Variants in SNRNP200 observed in about 807,000 individuals in gnomAD.
SNRNP200 encodes small nuclear ribonucleoprotein U5 subunit 200, also known as U5 small nuclear ribonucleoprotein 200 kDa helicase.
Under a neutral mutation model 255.2 loss-of-function variants are expected in SNRNP200, and 66 were observed. The observed-to-expected ratio is 0.26, with a 90% confidence interval of 0.21 to 0.32. The LOEUF is 0.32. SNRNP200 is among the 10% of genes least tolerant of loss of function. The pLI is 1.00. For synonymous variants in SNRNP200, 939 were observed against 1,027.8 expected (o/e 0.91, Z 1.65); for missense variants, 1,585 against 2,749.8 (o/e 0.58, Z 9.47).
At position 96,278,799 on chromosome 2, in the gene SNRNP200, G is replaced by A. The variant is rs1165230361; in HGVS notation, c.5323+10C>T. The A allele has an allele frequency of 6.2e-7, 1 of 1,614,170 alleles. No homozygotes were observed. The highest frequency in any genetic ancestry group is 2.2e-5 in the East Asian group (1 of 44,882). On this transcript the variant is annotated intron_variant, in intron 37 of 44. Coordinates refer to ENST00000323853, the MANE Select transcript of SNRNP200 (RefSeq NM_014014.5). This position sits in a 1 kb window ranked among gnomAD's most constrained non-coding sequence, Gnocchi z 6.9. The stretch of plus-strand genomic sequence containing the variant: ...ACCAAAGGATCACGTGTGCTCCCAA[G>A]CCCACTGACCCTGCAGGTTGTAGTA...
At chr2:96,292,622 GGGGATTGC>G in intron 16 of SNRNP200, among the ~76,000 whole-genome samples, 1 of 152,196 alleles carries the variant, frequency 6.6e-6, no homozygotes, top group South Asian at 2.1e-4. Flanking sequence ...ATCTGGGACT[GGGGATTGC>G]TTGCTGGGGG....
intron 3 of SNRNP200, among the ~76,000 whole-genome samples, 167 bp from the exon 4 acceptor site, chr2:96,301,883 T>C (rs2063954854): frequency 6.6e-6 from 1 of 152,176 alleles, no homozygotes; most frequent in African/African-American, 2.4e-5. Context: ...AAAGGAAGAC[T>C]TGTCTGTTTT....
chr2:96,279,565 G>T lies in SNRNP200; in HGVS notation c.5025-6C>A. The T allele has an allele frequency of 1.3e-6, 2 of 1,598,784 alleles. No individual in the cohort carries two copies. Among genetic ancestry groups the T allele is most frequent in the Non-Finnish European group, 8.6e-7 (1 of 1,166,424 alleles). ...AGATGGGGTAATCCACATAGCTGGT[G>T]ACAGAAGCAGGGAAAGAAGGAAAAG... On this transcript the variant is annotated splice_polypyrimidine_tract_variant and splice_region_variant and intron_variant, in intron 35 of 44. Transcript: ENST00000323853.
rs1009766591 is a variant in SNRNP200 at position 96,278,947 on chromosome 2, C to T, written c.5185G>A (p.Asp1729Asn). The T allele has an allele frequency of 6.2e-7, 1 of 1,613,918 alleles. No homozygotes were observed. Among genetic ancestry groups the T allele is most frequent in the African/African-American group, 1.3e-5 (1 of 74,856 alleles). ...YEPLPVESHLDHCMHDHFNAE... is the reference protein window; with the variant it reads ...YEPLPVESHLNHCMHDHFNAE... ...TTGAAGTGGTCATGCATACAGTGGT[C>T]CAGGTGAGATTCTACTGGCAATGGC... Residue 1729 changes from aspartate (D) to asparagine (N), a missense_variant, in exon 37 of 45, where the codon GAC becomes AAC. Asp to Asn is a conservative substitution (Grantham distance 23). Coordinates refer to ENST00000323853, the MANE Select transcript of SNRNP200 (RefSeq NM_014014.5). This position sits in a 1 kb window ranked among gnomAD's most constrained non-coding sequence, Gnocchi z 6.9.
At chr2:96,275,945 G>T (rs922322699) in intron 43 of SNRNP200, among the ~76,000 whole-genome samples, 1 of 152,248 alleles carries the variant, frequency 6.6e-6, no homozygotes, top group Admixed American at 6.5e-5. Context: ...GGCGGAGCTT[G>T]CAGTGAGCCG....
At chr2:96,288,837 G>C in intron 23 of SNRNP200, 91 bp from the exon 24 acceptor site, 1 of 1,182,346 alleles carries the variant, frequency 8.5e-7, no homozygotes, top group African/African-American at 1.5e-5. Context: ...TCCAGGCCAG[G>C]TGAGATTTGC....
At position 96,291,868 on chromosome 2, in the gene SNRNP200, A is replaced by T; in HGVS notation, c.2193T>A (p.Thr731=). 1 of 1,614,148 alleles carries T rather than the reference A, an allele frequency of 6.2e-7. No homozygotes were observed. Among genetic ancestry groups the T allele is most frequent in the South Asian group, 1.1e-5 (1 of 91,082 alleles). Residue 731 remains threonine, a synonymous_variant, in exon 17 of 45, where the codon ACT becomes ACA. Coordinates refer to ENST00000323853, the MANE Select transcript of SNRNP200 (RefSeq NM_014014.5). This position sits in a 1 kb window ranked among gnomAD's most constrained non-coding sequence, Gnocchi z 4.2. ...VLVFVHSRKE[T]GKTARAIRDM... is the part of the protein sequence containing the mutation. ...CCCGGATGGCCCTGGCTGTCTTTCC[A>T]GTCTCCTTCCGGGAGTGGACAAACA...
In SNRNP200 at chr2:96,274,565, G is replaced by C. The variant is rs1684620594; in HGVS notation, c.*447C>G. On this transcript the variant is annotated 3_prime_UTR_variant, in exon 45 of 45. Coordinates refer to ENST00000323853, the MANE Select transcript of SNRNP200 (RefSeq NM_014014.5). ...CACAGTCGCATGTACCCTCCTCTGGGCTGACTCACGAGGCTACAGGGGACA... is the reference window on the plus strand; with the variant it reads ...CACAGTCGCATGTACCCTCCTCTGGCCTGACTCACGAGGCTACAGGGGACA... 2 of 285,604 alleles carry C rather than the reference G, an allele frequency of 7.0e-6. No homozygotes were observed. Among genetic ancestry groups the C allele is most frequent in the Admixed American group, 4.9e-5 (1 of 20,332 alleles). The allele number at this position is 285,604 out of a possible 1,614,324, so 17.7% of individuals were successfully genotyped here. A position where few individuals can be genotyped will look rare whatever the true frequency, so the allele number is the denominator to read the frequency against.
chr2:96,289,045 T>G lies in SNRNP200; in HGVS notation c.3166A>C (p.Ser1056Arg). 1 of 1,611,598 alleles carries G rather than the reference T, an allele frequency of 6.2e-7. No individual in the cohort carries two copies. Residue 1056 changes from serine to arginine, a missense_variant, in exon 23 of 45, where the codon AGT (serine) becomes CGT (arginine). Physicochemically the swap from Ser to Arg is moderately radical, Grantham distance 110. Coordinates refer to ENST00000323853, the MANE Select transcript of SNRNP200 (RefSeq NM_014014.5). ...IPVKESIEEP[S>R]AKINVLLQAF... is the part of the protein sequence containing the mutation. Reference sequence around the variant, plus strand: ...AGAGGAGAGGAGCTCACCTTAGCACTGGGTTCCTCAATGCTCTCCTTTACA... The same window carrying G: ...AGAGGAGAGGAGCTCACCTTAGCACGGGGTTCCTCAATGCTCTCCTTTACA...
rs1465768228 is a variant in SNRNP200 at position 96,278,732 on chromosome 2, T to C, written c.5324-21A>G. 6.2e-7 allele frequency: 1 copy of C among 1,613,968 alleles called. No individual in the cohort carries two copies. Among genetic ancestry groups the C allele is most frequent in the Middle Eastern group, 1.6e-4 (1 of 6,062 alleles). ...GATGCCTATGGAGGCGAGAGGTGAGTGGGGAGCCTCAAGAAGATGCCCAGC... is the reference window on the plus strand; with the variant it reads ...GATGCCTATGGAGGCGAGAGGTGAGCGGGGAGCCTCAAGAAGATGCCCAGC... On this transcript the variant is annotated intron_variant, in intron 37 of 44. Coordinates refer to ENST00000323853, the MANE Select transcript of SNRNP200 (RefSeq NM_014014.5). The surrounding 1 kb of genome is among the most constrained non-coding windows in gnomAD (Gnocchi z 6.9).
At chr2:96,303,480 C>G (rs1191558091) in intron 2 of SNRNP200, 150 bp from the exon 3 acceptor site, 1 of 974,576 alleles carries the variant, frequency 1.0e-6, no homozygotes, top group East Asian at 2.4e-5. Flanking sequence ...TTCCGTTTGG[C>G]CTTAATCACT....
At position 96,290,497 on chromosome 2, in the gene SNRNP200, T is replaced by C. The variant is rs778298225; in HGVS notation, c.2571A>G (p.Gly857=). 3.1e-6 allele frequency: 5 copies of C among 1,614,152 alleles called. No homozygotes were observed. In the Admixed American group the frequency reaches 6.7e-5, roughly 22 times the overall value. The change falls in exon 20 of 45, where the codon GGA becomes GGG. Residue 857 remains glycine, a synonymous_variant. Coordinates refer to ENST00000323853, the MANE Select transcript of SNRNP200 (RefSeq NM_014014.5). The surrounding 1 kb of genome is among the most constrained non-coding windows in gnomAD (Gnocchi z 4.5). ...CACCCTTGGTGTCATACTGGGGTCT[T>C]CCGGCACGTCCCAGCATCTAGATCA... ...LDILQMLGRA[G]RPQYDTKGEG...
chr2:96,284,327 C>T, intron 31 of SNRNP200, 31 bp downstream of exon 31: 1 of 1,583,536 alleles, frequency 6.3e-7, no homozygotes, highest in Non-Finnish European at 8.7e-7. Context: ...CAGTCCCAGT[C>T]CCTCATCTGT....
intron 1 of SNRNP200, 70 bp downstream of exon 1, chr2:96,305,323 C>G (rs1232868546): frequency 1.9e-6 from 3 of 1,592,642 alleles, no homozygotes; most frequent in Non-Finnish European, 2.6e-6. Context: ...CAGACTGAAA[C>G]TCCCTTTTTC....
chr2:96,304,759 A>G lies in SNRNP200; in HGVS notation c.155T>C (p.Met52Thr). Residue 52 changes from methionine to threonine, a missense_variant, in exon 2 of 45, where the codon ATG (methionine) becomes ACG (threonine). By Grantham distance (81) the Met-to-Thr change is moderately conservative. Around this residue, in one of 9 missense-constraint regions of SNRNP200, gnomAD observed 383 missense variants for 645.3 expected, o/e 0.59. Coordinates refer to ENST00000323853, the MANE Select transcript of SNRNP200 (RefSeq NM_014014.5). ...SLVGKLEGTR[M>T]GDKAQRTKPQ... The stretch of plus-strand genomic sequence containing the variant: ...TTTGGTCCGTTGAGCCTTGTCTCCC[A>G]TACGGGTGCCCTCCAGCTTCCCAAC... 1 of 1,614,194 alleles carries G rather than the reference A, an allele frequency of 6.2e-7. No homozygotes were observed. The highest frequency in any genetic ancestry group is 8.5e-7 in the Non-Finnish European group (1 of 1,180,028).
chr2:96,298,178 A>T (rs2063930613), intron 9 of SNRNP200, 106 bp downstream of exon 9: 4 of 1,528,414 alleles, frequency 2.6e-6, no homozygotes, highest in Non-Finnish European at 3.6e-6. Flanking sequence ...GAATTTAGGA[A>T]ATTACTTTTT....
Position 96,303,073 on chromosome 2 carries a change from C to T in SNRNP200, c.381+86G>A, listed in dbSNP as rs547442477. On this transcript the variant is annotated intron_variant, in intron 3 of 44. Coordinates refer to ENST00000323853, the MANE Select transcript of SNRNP200 (RefSeq NM_014014.5). ...CATCAGCATACAAAAAGATACTTAG[C>T]ACTTCGAAGATTCCAAGGATCTTAG... is the stretch of plus-strand genomic sequence containing the variant. 236 of 1,420,446 alleles carry T rather than the reference C, an allele frequency of 1.7e-4. No homozygotes were observed. The African/African-American group carries it at 2.1e-3, about 13-fold the overall frequency. The allele number at this position is 1,420,446 out of a possible 1,614,324, so 88.0% of individuals were successfully genotyped here.
At position 96,290,948 on chromosome 2, in the gene SNRNP200, T is replaced by C; in HGVS notation, c.2422-133A>G. ...GTAGGGCGCGTGGGGTCCCAGTACT[T>C]GTCAATGTGACACCAGAATAAAGAG... On this transcript the variant is annotated intron_variant, in intron 18 of 44. Transcript: ENST00000323853. The surrounding 1 kb of genome is among the most constrained non-coding windows in gnomAD (Gnocchi z 4.5). 3 of 949,568 alleles carry C rather than the reference T, an allele frequency of 3.2e-6. No homozygotes were observed. The highest frequency in any genetic ancestry group is 1.6e-5 in the African/African-American group (1 of 61,486). 58.8% of individuals were successfully genotyped at this position (949,568 alleles called of 1,614,324 possible).
rs1282679808 is a variant in SNRNP200 at position 96,290,884 on chromosome 2, C to T, written c.2422-69G>A. 7.5e-6 allele frequency: 12 copies of T among 1,604,176 alleles called. No individual in the cohort carries two copies. Among genetic ancestry groups the T allele is most frequent in the Non-Finnish European group, 9.4e-6 (11 of 1,173,390 alleles). On this transcript the variant is annotated intron_variant, in intron 18 of 44. Coordinates refer to ENST00000323853, the MANE Select transcript of SNRNP200 (RefSeq NM_014014.5). The surrounding 1 kb of genome is among the most constrained non-coding windows in gnomAD (Gnocchi z 4.5). ...CCAGGGGTTAATATCCCTGGCTTCT[C>T]TAGGCAGTTGGCCTCAGAGCTTCTC... is the stretch of plus-strand genomic sequence containing the variant.
Sources: allele counts gnomAD v4.1 joint callset (sites outside exome capture counted in the v4.1 genomes callset), GRCh38; gene constraint gnomAD v4.1.1; regional missense constraint gnomAD v4.1.1; non-coding constraint Gnocchi (gnomAD v3.1); transcripts MANE v1.5; gene names NCBI Gene and HGNC (gene_info 2026-07-23, HGNC 2026-07-21).